WWTR1: variants seen among roughly 807,000 people sequenced by gnomAD.
The protein encoded by WWTR1 is WW domain containing transcription regulator 1.
In WWTR1, 13 loss-of-function variants were observed where a neutral mutation model predicts 40.1. The ratio of observed to expected loss-of-function variants is 0.32; its 90% CI spans 0.21 to 0.52. WWTR1 has a LOEUF of 0.52. WWTR1 is among the 20% of genes least tolerant of loss of function. The probability of loss-of-function intolerance (pLI) is 0.97; values close to 1 mark genes in which losing one functional copy is unlikely to be tolerated. For synonymous variants in WWTR1, 230 were observed against 210.1 expected (o/e 1.09, Z -0.82); for missense variants, 436 against 523.1 (o/e 0.83, Z 1.63).
intron 2 of WWTR1, among the ~76,000 whole-genome samples, chr3:149,592,085 A>C (rs887150324): frequency 3.9e-5 from 6 of 152,186 alleles, no homozygotes; most frequent in Admixed American, 3.9e-4. Flanking sequence ...TGTTCTATAA[A>C]ACATCAGTCC....
chr3:149,703,524 A>C (rs1473613983), upstream of WWTR1, among the ~76,000 whole-genome samples: 1 of 152,200 alleles, frequency 6.6e-6, no homozygotes, highest in Non-Finnish European at 1.5e-5. Context: ...CAGAAAATCT[A>C]ATTTTTCAGA....
chr3:149,558,097 G>A (rs1033602292), intron 3 of WWTR1, among the ~76,000 whole-genome samples: 23 of 151,602 alleles, frequency 1.5e-4, no homozygotes, highest in Admixed American at 1.3e-3. Flanking sequence ...AAAACTACTC[G>A]TGTGTCAGTC....
chr3:149,703,641 G>T (rs1042562370), upstream of WWTR1, among the ~76,000 whole-genome samples: 1 of 152,130 alleles, frequency 6.6e-6, no homozygotes, highest in Non-Finnish European at 1.5e-5. Flanking sequence ...TTGGAGGTGG[G>T]CCTCTTGGGA....
At chr3:149,586,478 T>A (rs1057248663) in intron 2 of WWTR1, among the ~76,000 whole-genome samples, 5 of 152,244 alleles carry the variant, frequency 3.3e-5, no homozygotes, top group Admixed American at 3.3e-4. Flanking sequence ...TGTGATATAT[T>A]AAGAAATAAA....
At chr3:149,645,630 G>A (rs1712474118) in intron 2 of WWTR1, among the ~76,000 whole-genome samples, 2 of 152,090 alleles carry the variant, frequency 1.3e-5, no homozygotes, top group South Asian at 4.1e-4. Context: ...CATTTGCTTG[G>A]GTTTTCTCCT....
intron 4 of WWTR1, chr3:149,723,965 G>A (rs1434618454): frequency 6.6e-6 from 1 of 152,192 alleles, no homozygotes; most frequent in East Asian, 1.9e-4. Context: ...GTGGCTGAAG[G>A]GTGGTTAGCT....
intron 2 of WWTR1, among the ~76,000 whole-genome samples, chr3:149,598,335 C>T (rs72997948): frequency 2.0e-5 from 3 of 152,152 alleles, no homozygotes; most frequent in Admixed American, 6.5e-5. Flanking sequence ...ATCATTATCT[C>T]ATTTAATACT....
intron 2 of WWTR1, among the ~76,000 whole-genome samples, chr3:149,625,799 A>G (rs1576606086): frequency 6.6e-6 from 1 of 152,152 alleles, no homozygotes; most frequent in African/African-American, 2.4e-5. Context: ...TAAAAAAAAA[A>G]AAAGCGGAAA....
intron 3 of WWTR1, among the ~76,000 whole-genome samples, chr3:149,563,759 T>C (rs1222155305): frequency 1.3e-5 from 2 of 152,240 alleles, no homozygotes; most frequent in African/African-American, 4.8e-5. Context: ...TGTTTTGTTT[T>C]GCTTTGCTTT....
At chr3:149,672,564 C>T (rs957191360) in intron 1 of WWTR1, among the ~76,000 whole-genome samples, 1 of 151,912 alleles carries the variant, frequency 6.6e-6, no homozygotes, top group African/African-American at 2.4e-5. Flanking sequence ...CAAAGTGACC[C>T]ACATACATGT....
At chr3:149,537,829 G>A (rs181272055) in intron 4 of WWTR1, among the ~76,000 whole-genome samples, 2 of 152,282 alleles carry the variant, frequency 1.3e-5, no homozygotes, top group African/African-American at 4.8e-5. Context: ...GAATCATACA[G>A]GATGTAGTTT....
intron 1 of WWTR1, among the ~76,000 whole-genome samples, chr3:149,696,974 T>C (rs1335188864): frequency 6.6e-6 from 1 of 152,184 alleles, no homozygotes; most frequent in African/African-American, 2.4e-5. Context: ...CCTGGCTAAC[T>C]CCTAGCTCAT....
intron 2 of WWTR1, among the ~76,000 whole-genome samples, chr3:149,574,181 C>T (rs1272827908): frequency 1.3e-5 from 2 of 152,024 alleles, no homozygotes; most frequent in South Asian, 2.1e-4. Flanking sequence ...CAGGCACCTG[C>T]GACCACACCT....
At chr3:149,614,058 G>T (rs1245589959) in intron 2 of WWTR1, among the ~76,000 whole-genome samples, 1 of 152,180 alleles carries the variant, frequency 6.6e-6, no homozygotes, top group East Asian at 1.9e-4. Flanking sequence ...TTGCTTAAAT[G>T]TCTTTTGAGG....
chr3:149,565,416 C>G (rs972297932), intron 3 of WWTR1, among the ~76,000 whole-genome samples: 1 of 151,552 alleles, frequency 6.6e-6, no homozygotes, highest in African/African-American at 2.4e-5. Flanking sequence ...TATAATAAAA[C>G]CTATAAGTCT....
At chr3:149,630,272 A>G (rs1323720038) in intron 2 of WWTR1, among the ~76,000 whole-genome samples, 2 of 152,206 alleles carry the variant, frequency 1.3e-5, no homozygotes, top group Admixed American at 6.5e-5. Context: ...CATAATTATA[A>G]GAGTGTTAGT....
At chr3:149,580,748 G>A (rs1237027059) in intron 2 of WWTR1, among the ~76,000 whole-genome samples, 37 of 152,152 alleles carry the variant, frequency 2.4e-4, no homozygotes, top group Non-Finnish European at 4.6e-4. Context: ...AAGTAGCTGG[G>A]ATTATAGGCG....
Position 149,620,572 on chromosome 3 carries a change from AC to A in WWTR1, c.431+36303del, listed in dbSNP as rs762055941. On this transcript the variant is annotated intron_variant, in intron 2 of 6. Coordinates refer to ENST00000360632, the MANE Select transcript of WWTR1 (RefSeq NM_015472.6). ...CACCCCTCCTCCACCGCTCCCCCCCACACACACACACTCATCTTCTTTGTAA... is the reference window on the plus strand; with the variant it reads ...CACCCCTCCTCCACCGCTCCCCCCCAACACACACACTCATCTTCTTTGTAA... Among the ~76,000 whole-genome samples the A allele has an allele frequency of 5.7e-3, 359 of 62,736 alleles. 3 individuals carry two copies. Among genetic ancestry groups the A allele is most frequent in the Non-Finnish European group, 0.011 (279 of 25,194 alleles). The allele number at this position is 62,736 out of a possible 152,430, so 41.2% of individuals were successfully genotyped here.
chr3:149,532,175 G>A (rs1015104800), intron 4 of WWTR1, among the ~76,000 whole-genome samples: 1 of 152,154 alleles, frequency 6.6e-6, no homozygotes, highest in Non-Finnish European at 1.5e-5. Context: ...ATGATAAAAC[G>A]GGATAACACT....
Sources: gnomAD v4.1 joint callset for allele counts (sites outside exome capture counted in the v4.1 genomes callset) on GRCh38, gnomAD v4.1.1 for gene constraint, MANE v1.5 for transcripts, NCBI Gene and HGNC (gene_info 2026-07-23, HGNC 2026-07-21) for gene names.